The following FLT1 variants were observed in gnomAD, a reference collection of about 807,000 sequenced individuals.
The protein encoded by FLT1 is vascular endothelial growth factor receptor 1.
FLT1 carries 49 observed loss-of-function variants against 156.3 expected under a neutral mutation model. That is an observed-to-expected ratio of 0.31 (90% CI 0.25 to 0.40). The LOEUF is 0.40. Among genes scored for constraint, FLT1 ranks in the 10% least tolerant of loss-of-function variants. FLT1 has a pLI of 1.00. For missense variants in FLT1, 1,322 were observed against 1,637.2 expected, an observed-to-expected ratio of 0.81 and a Z score of 3.32; for synonymous variants, 594 against 583.8, an observed-to-expected ratio of 1.02 and a Z score of -0.25.
intron 1 of FLT1, among the ~76,000 whole-genome samples, chr13:28,469,345 C>T (rs116022653): frequency 6.6e-6 from 1 of 152,320 alleles, no homozygotes; most frequent in East Asian, 1.9e-4. Context: ...GTGTCAAATA[C>T]CCTGGTTATG....
At chr13:28,462,362 T>C (rs1188628657) in intron 3 of FLT1, among the ~76,000 whole-genome samples, 1 of 152,188 alleles carries the variant, frequency 6.6e-6, no homozygotes, top group Non-Finnish European at 1.5e-5. Context: ...AGAAAAGAAG[T>C]GCAAAAGTGC....
intron 1 of FLT1, among the ~76,000 whole-genome samples, chr13:28,484,944 G>A (rs4769601): frequency 2.3e-5 from 3 of 131,350 alleles, no homozygotes; most frequent in African/African-American, 2.8e-5. Context: ...TGTGGGGGGA[G>A]GGGGGAGGGA....
At chr13:28,330,104 C>T (rs939827633) in intron 18 of FLT1, among the ~76,000 whole-genome samples, 2 of 152,266 alleles carry the variant, frequency 1.3e-5, no homozygotes, top group East Asian at 1.9e-4. Flanking sequence ...CCTCCACGTC[C>T]CCTCTTCTCA....
At chr13:28,476,717 T>A (rs1267169498) in intron 1 of FLT1, among the ~76,000 whole-genome samples, 1 of 152,216 alleles carries the variant, frequency 6.6e-6, no homozygotes, top group East Asian at 1.9e-4. Context: ...GTATATAGCA[T>A]TTATGTCTTG....
At position 28,332,788 on chromosome 13, in the gene FLT1, A is replaced by T. The variant is rs189060267; in HGVS notation, c.2593+1237T>A. 3.3e-3 allele frequency among the ~76,000 whole-genome samples: 504 copies of T among 152,318 alleles called. 4 individuals carry two copies. Among genetic ancestry groups the T allele is most frequent in the African/African-American group, 0.012 (489 of 41,576 alleles). On this transcript the variant is annotated intron_variant, in intron 18 of 29. Transcript: ENST00000282397. ...AAGCTGTTGAGAGGAAATAAGAAAA[A>T]TGGCTGTTTTGTGTGGTTCAGCCTA...
intron 10 of FLT1, among the ~76,000 whole-genome samples, chr13:28,420,003 A>T (rs1876909129): frequency 6.6e-6 from 1 of 152,258 alleles, no homozygotes; most frequent in African/African-American, 2.4e-5. Flanking sequence ...AGAAACAATT[A>T]TTCATCATAT....
In FLT1 at chr13:28,392,568, T is replaced by G. The variant is rs180830279; in HGVS notation, c.1661-2464A>C. Among the ~76,000 whole-genome samples, 5 of 152,086 alleles carry G rather than the reference T, an allele frequency of 3.3e-5. No individual in the cohort carries two copies. The East Asian group carries it at 7.7e-4, about 24-fold the overall frequency. Reference sequence around the variant, plus strand: ...AACACCATTGAGATCGTGTAGAGAGTTTCTATTTACTTTAGTGATTTGAAA... The same window carrying G: ...AACACCATTGAGATCGTGTAGAGAGGTTCTATTTACTTTAGTGATTTGAAA... On this transcript the variant is annotated intron_variant, in intron 12 of 29. Coordinates refer to ENST00000282397, the MANE Select transcript of FLT1 (RefSeq NM_002019.4).
intron 25 of FLT1, among the ~76,000 whole-genome samples, 177 bp downstream of exon 25, chr13:28,317,321 G>A (rs1396186585): frequency 6.6e-6 from 1 of 152,224 alleles, no homozygotes; most frequent in Admixed American, 6.5e-5. Context: ...CCCACTGCAA[G>A]AAAACACTCC....
intron 3 of FLT1, among the ~76,000 whole-genome samples, chr13:28,465,789 A>C (rs1206133713): frequency 6.6e-6 from 1 of 152,190 alleles, no homozygotes; most frequent in African/African-American, 2.4e-5. Flanking sequence ...AGTTGCAGTG[A>C]GCTGCCATTG....
At chr13:28,325,920 T>C (rs1445609314) in intron 20 of FLT1, among the ~76,000 whole-genome samples, 1 of 152,048 alleles carries the variant, frequency 6.6e-6, no homozygotes, top group Non-Finnish European at 1.5e-5. Context: ...AGAACATCTC[T>C]GTCTTTAATT....
chr13:28,311,877 T>G, intron 26 of FLT1, 116 bp downstream of exon 26: 1 of 1,072,246 alleles, frequency 9.3e-7, no homozygotes, highest in Admixed American at 1.8e-5. Flanking sequence ...ACACACACCC[T>G]TTTTTTAAAC....
At chr13:28,420,689 A>G (rs1181449018) in intron 10 of FLT1, among the ~76,000 whole-genome samples, 1 of 152,222 alleles carries the variant, frequency 6.6e-6, no homozygotes, top group Non-Finnish European at 1.5e-5. Context: ...GTTACAGCAT[A>G]AAAATAATAG....
At chr13:28,385,831 G>A (rs1874327479) in intron 13 of FLT1, 1 of 1,051,460 alleles carries the variant, frequency 9.5e-7, no homozygotes, top group South Asian at 4.6e-5. Context: ...AAGAACAGCA[G>A]TACCCCCAAG....
chr13:28,481,773 T>C (rs1880867278), intron 1 of FLT1, among the ~76,000 whole-genome samples: 1 of 152,238 alleles, frequency 6.6e-6, no homozygotes, highest in African/African-American at 2.4e-5. Flanking sequence ...AATAGAGATC[T>C]CCTGCAAACT....
chr13:28,389,031 A>C (rs1416597852), intron 13 of FLT1: 1 of 1,064,348 alleles, frequency 9.4e-7, no homozygotes, highest in African/African-American at 1.6e-5. Flanking sequence ...GTTGATTTGG[A>C]TGGACTCTTA....
At chr13:28,457,771 C>G (rs1287961664) in intron 3 of FLT1, among the ~76,000 whole-genome samples, 1 of 152,084 alleles carries the variant, frequency 6.6e-6, no homozygotes, top group Non-Finnish European at 1.5e-5. Context: ...CTTAAAAGAT[C>G]ACTTGAGGGA....
chr13:28,380,117 T>G (rs1874013771), intron 14 of FLT1, among the ~76,000 whole-genome samples: 1 of 152,200 alleles, frequency 6.6e-6, no homozygotes, highest in South Asian at 2.1e-4. Context: ...CACAGTTTAT[T>G]TTCAGGGTTT....
chr13:28,462,663 G>A (rs533827311), intron 3 of FLT1, among the ~76,000 whole-genome samples: 1 of 152,312 alleles, frequency 6.6e-6, no homozygotes, highest in South Asian at 2.1e-4. Flanking sequence ...GTAATTTAGT[G>A]TGGCAAACCT....
At chr13:28,389,051 C>T in intron 13 of FLT1, 2 of 1,064,336 alleles carry the variant, frequency 1.9e-6, no homozygotes, top group African/African-American at 1.6e-5. Context: ...ATAATTCACA[C>T]TGCGATAAAC....
Sources: gnomAD v4.1 joint callset for allele counts (sites outside exome capture counted in the v4.1 genomes callset) on GRCh38, gnomAD v4.1.1 for gene constraint, MANE v1.5 for transcripts, NCBI Gene and HGNC (gene_info 2026-07-23, HGNC 2026-07-21) for gene names.